P2RY6: variants seen among roughly 807,000 people sequenced by gnomAD.
P2RY6 encodes the protein P2Y purinoceptor 6.
In P2RY6, 19 loss-of-function variants were observed where a neutral mutation model predicts 16.3. The ratio of observed to expected loss-of-function variants is 1.16; its 90% CI spans 0.81 to 1.71. The LOEUF (loss-of-function observed/expected upper bound fraction) is 1.71, where lower values mean the gene tolerates loss of function less well. Ranked by LOEUF, P2RY6 falls within the 40% of genes most tolerant of loss-of-function variation. The pLI is 0.00. For missense variants in P2RY6, 389 were observed against 455.5 expected, an observed-to-expected ratio of 0.85 and a Z score of 1.33; for synonymous variants, 184 against 201.5, an observed-to-expected ratio of 0.91 and a Z score of 0.74.
intron 1 of P2RY6, among the ~76,000 whole-genome samples, chr11:73,285,761 C>T (rs1863947348): frequency 6.6e-6 from 1 of 152,208 alleles, no homozygotes. Flanking sequence ...TTGAAAACAG[C>T]CACAGACCAC....
At chr11:73,290,303 AAAAGAAAGAAAGAAAGAAAGAAAG>A (rs563446982) in intron 1 of P2RY6, among the ~76,000 whole-genome samples, 1,838 of 113,094 alleles carry the variant, frequency 0.016, 15 homozygotes, top group Non-Finnish European at 0.023. Flanking sequence ...AGAAAGAAAG[AAAAGAAAGAAAGAAAGAAAGAAAG>A]AAAGAAAGAA....
intron 1 of P2RY6, among the ~76,000 whole-genome samples, chr11:73,274,550 A>T (rs545523881): frequency 6.6e-6 from 1 of 152,164 alleles, no homozygotes; most frequent in East Asian, 1.9e-4. Context: ...CAAAAAAAAA[A>T]AAAAAGAAAG....
At chr11:73,288,856 CT>C (rs1321446375) in intron 1 of P2RY6, among the ~76,000 whole-genome samples, 1 of 152,236 alleles carries the variant, frequency 6.6e-6, no homozygotes, top group Non-Finnish European at 1.5e-5. Context: ...GAAGCGAACT[CT>C]TGACCCCTGA....
chr11:73,283,810 G>A (rs759140279), intron 1 of P2RY6, among the ~76,000 whole-genome samples: 3 of 152,294 alleles, frequency 2.0e-5, no homozygotes, highest in East Asian at 1.9e-4. Flanking sequence ...AGGAACAGAC[G>A]GAGAGGCACG....
At chr11:73,284,300 A>T (rs1161742855) in intron 1 of P2RY6, among the ~76,000 whole-genome samples, 1 of 152,148 alleles carries the variant, frequency 6.6e-6, no homozygotes, top group Non-Finnish European at 1.5e-5. Context: ...AGGGACACGA[A>T]TTGACTTGTT....
At chr11:73,296,360 AG>A in intron 2 of P2RY6, 124 bp from the exon 3 acceptor site, 1 of 646,480 alleles carries the variant, frequency 1.5e-6, no homozygotes, top group Non-Finnish European at 2.6e-6. Context: ...GGGTGGTTAG[AG>A]TAGCCGAGTT....
chr11:73,284,892 T>C (rs1003588396), intron 1 of P2RY6, among the ~76,000 whole-genome samples: 1 of 151,856 alleles, frequency 6.6e-6, no homozygotes, highest in African/African-American at 2.4e-5. Context: ...CAATAACCAA[T>C]AAATAAGTAG....
intron 1 of P2RY6, among the ~76,000 whole-genome samples, chr11:73,273,729 C>T (rs1189540875): frequency 6.6e-6 from 1 of 152,130 alleles, no homozygotes; most frequent in East Asian, 1.9e-4. Context: ...CCTGTTCTGC[C>T]AGAAGCTTGC....
chr11:73,276,063 CT>C lies in P2RY6; in HGVS notation c.-121+3599del, dbSNP rs370063383. Among the ~76,000 whole-genome samples the C allele has an allele frequency of 3.4e-3, 520 of 152,346 alleles. 8 individuals are homozygous for C. Among genetic ancestry groups the C allele is most frequent in the African/African-American group, 0.012 (488 of 41,580 alleles). ...CATGACTCTCCCACTCCGTGGGGTA[CT>C]TGTTCCACAAGATGTCAGGCCTCAG... On this transcript the variant is annotated intron_variant, in intron 1 of 2. Coordinates refer to ENST00000540124, the MANE Select transcript of P2RY6 (RefSeq NM_001277204.2).
chr11:73,297,549 G>C lies in P2RY6; in HGVS notation c.*44G>C. 6.7e-7 allele frequency: 1 copy of C among 1,499,330 alleles called. No homozygotes were observed. 92.9% of individuals were successfully genotyped at this position (1,499,330 alleles called of 1,614,324 possible). ...AGCCTTCATATTTGCCATTGTGTCC[G>C]GGGCACCAGGAGCCCCACCAACCCC... On this transcript the variant is annotated 3_prime_UTR_variant, in exon 3 of 3. Coordinates refer to ENST00000540124, the MANE Select transcript of P2RY6 (RefSeq NM_001277204.2).
intron 1 of P2RY6, chr11:73,292,715 G>T (rs1864308071): frequency 2.6e-6 from 2 of 755,422 alleles, no homozygotes; most frequent in African/African-American, 1.9e-5. Flanking sequence ...ACTAGGCGTG[G>T]TGTTGGGGAT....
At chr11:73,270,429 C>A (rs1221788410), upstream of P2RY6, among the ~76,000 whole-genome samples, 1 of 152,138 alleles carries the variant, frequency 6.6e-6, no homozygotes, top group Non-Finnish European at 1.5e-5. Flanking sequence ...TGACGGGGGG[C>A]ACAGCCAGCC....
At position 73,294,768 on chromosome 11, in the gene P2RY6, A is replaced by G. The variant is rs79344962; in HGVS notation, c.-120-962A>G. On this transcript the variant is annotated intron_variant, in intron 1 of 2. Transcript: ENST00000540124. ...AAAAAATCCCATAACCTTACTTAGT[A>G]GGTACAGTAAGAACAGCAAACACTT... 3.6e-3 allele frequency among the ~76,000 whole-genome samples: 546 copies of G among 152,382 alleles called. 4 individuals are homozygous for G. The highest frequency in any genetic ancestry group is 0.012 in the African/African-American group (511 of 41,590).
chr11:73,284,016 G>C (rs1863866615), intron 1 of P2RY6, among the ~76,000 whole-genome samples: 1 of 152,098 alleles, frequency 6.6e-6, no homozygotes, highest in Non-Finnish European at 1.5e-5. Flanking sequence ...TTTGGACAGT[G>C]GGAAGCTGAA....
chr11:73,284,118 G>A lies in P2RY6; in HGVS notation c.-120-11612G>A, dbSNP rs569363118. On this transcript the variant is annotated intron_variant, in intron 1 of 2. Transcript: ENST00000540124. ...GGGCTGACAAGAAAGATGGGGCCAA[G>A]GCTTAGAAGACAGAGGAGGGAGGAT... Among the ~76,000 whole-genome samples, 3 of 152,212 alleles carry A rather than the reference G, an allele frequency of 2.0e-5. No homozygotes were observed. In the South Asian group the frequency reaches 6.2e-4, roughly 32 times the overall value.
intron 1 of P2RY6, among the ~76,000 whole-genome samples, chr11:73,280,131 T>C (rs1380723768): frequency 6.6e-6 from 1 of 152,176 alleles, no homozygotes; most frequent in East Asian, 1.9e-4. Flanking sequence ...CCTGAAATCC[T>C]TCCTACCCCA....
In P2RY6 at chr11:73,297,232, C is replaced by T; in HGVS notation, c.714C>T (p.Ala238=). ...PVAQERRGKA[A]RMAVVVAAAF... ...CCCAGGAGCGGCGTGGCAAGGCGGCCCGCATGGCCGTGGTGGTGGCTGCTG... is the reference window on the plus strand; with the variant it reads ...CCCAGGAGCGGCGTGGCAAGGCGGCTCGCATGGCCGTGGTGGTGGCTGCTG... The change falls in exon 3 of 3, where the codon GCC becomes GCT. Residue 238 remains alanine (A), a synonymous_variant. Coordinates refer to ENST00000540124, the MANE Select transcript of P2RY6 (RefSeq NM_001277204.2). 6 of 1,603,618 alleles carry T rather than the reference C, an allele frequency of 3.7e-6. No homozygotes were observed. The highest frequency in any genetic ancestry group is 5.1e-6 in the Non-Finnish European group (6 of 1,179,486).
At position 73,297,601 on chromosome 11, in the gene P2RY6, C is replaced by G; in HGVS notation, c.*96C>G. 1.0e-6 allele frequency: 1 copy of G among 961,354 alleles called. No individual in the cohort carries two copies. Among genetic ancestry groups the G allele is most frequent in the Non-Finnish European group, 1.6e-6 (1 of 638,540 alleles). 59.6% of individuals were successfully genotyped at this position (961,354 alleles called of 1,614,324 possible). A position where few individuals can be genotyped will look rare whatever the true frequency, so the allele number is the denominator to read the frequency against. On this transcript the variant is annotated 3_prime_UTR_variant, in exon 3 of 3. Transcript: ENST00000540124. The stretch of plus-strand genomic sequence containing the variant: ...AACCATGCGGAGAATTAGAGTTCAG[C>G]TCAGCTGGGCATGGAGTTAAGATCC...
intron 1 of P2RY6, among the ~76,000 whole-genome samples, chr11:73,281,804 CA>C (rs1252139312): frequency 6.6e-6 from 1 of 152,212 alleles, no homozygotes; most frequent in Non-Finnish European, 1.5e-5. Flanking sequence ...AAAATGGGTG[CA>C]AAGGTGAGGA....
Sources: allele counts gnomAD v4.1 joint callset (sites outside exome capture counted in the v4.1 genomes callset), GRCh38; gene constraint gnomAD v4.1.1; transcripts MANE v1.5; gene names NCBI Gene and HGNC (gene_info 2026-07-23, HGNC 2026-07-21).